TMOD1: variants seen among roughly 807,000 people sequenced by gnomAD.
TMOD1 encodes the protein tropomodulin 1.
A neutral mutation model predicts 40.6 loss-of-function variants in TMOD1; 17 were observed. That is an observed-to-expected ratio of 0.42 (90% CI 0.29 to 0.63). The LOEUF (loss-of-function observed/expected upper bound fraction) is 0.63. Ranked by LOEUF, TMOD1 falls within the 20% of genes least tolerant of loss-of-function variation. The probability of loss-of-function intolerance (pLI) is 0.22; values close to 1 mark genes in which losing one functional copy is unlikely to be tolerated. For missense variants in TMOD1, 391 were observed against 447.6 expected, an observed-to-expected ratio of 0.87 and a Z score of 1.14; for synonymous variants, 181 against 175.0, an observed-to-expected ratio of 1.03 and a Z score of -0.27.
chr9:97,593,955 A>C (rs1334967828), intron 9 of TMOD1, among the ~76,000 whole-genome samples: 1 of 152,112 alleles, frequency 6.6e-6, no homozygotes, highest in Admixed American at 6.5e-5. Flanking sequence ...AAGCAGAGGG[A>C]ACAGCATGAG....
chr9:97,555,707 T>G, intron 4 of TMOD1: 1 of 1,545,012 alleles, frequency 6.5e-7, no homozygotes, highest in Non-Finnish European at 8.8e-7. Context: ...TGTCCCAGGT[T>G]CTATGTGAGT....
intron 1 of TMOD1, among the ~76,000 whole-genome samples, chr9:97,521,039 G>C (rs1388138063): frequency 6.6e-6 from 1 of 152,184 alleles, no homozygotes; most frequent in Non-Finnish European, 1.5e-5. Flanking sequence ...TAACAAGTAT[G>C]AGACACTCCC....
At chr9:97,522,421 G>T (rs1389507399) in intron 1 of TMOD1, among the ~76,000 whole-genome samples, 1 of 152,140 alleles carries the variant, frequency 6.6e-6, no homozygotes. Flanking sequence ...TATCCAGTAA[G>T]ACCTTGACTA....
chr9:97,511,085 G>GACACAC (rs57982813), intron 1 of TMOD1, among the ~76,000 whole-genome samples: 10 of 144,318 alleles, frequency 6.9e-5, no homozygotes, highest in Admixed American at 2.7e-4. Context: ...CACACACACA[G>GACACAC]ACACACACAC....
chr9:97,529,867 C>G (rs1320634233), intron 2 of TMOD1, among the ~76,000 whole-genome samples: 1 of 152,222 alleles, frequency 6.6e-6, no homozygotes, highest in African/African-American at 2.4e-5. Context: ...ACGCTCAATA[C>G]TTCCTGGGTG....
chr9:97,564,211 A>T (rs1436811470), intron 6 of TMOD1, 43 bp downstream of exon 6: 2 of 1,550,346 alleles, frequency 1.3e-6, no homozygotes, highest in East Asian at 4.9e-5. Flanking sequence ...TGGCTGGGGG[A>T]GGGGGAACCA....
At chr9:97,531,339 G>T (rs1161507114) in intron 2 of TMOD1, among the ~76,000 whole-genome samples, 1 of 152,122 alleles carries the variant, frequency 6.6e-6, no homozygotes, top group Non-Finnish European at 1.5e-5. Context: ...GGCTGGGTGT[G>T]GTGGCTCATG....
intron 1 of TMOD1, among the ~76,000 whole-genome samples, chr9:97,520,925 C>G (rs1829905381): frequency 1.3e-5 from 2 of 152,204 alleles, no homozygotes; most frequent in Admixed American, 6.5e-5. Flanking sequence ...TTCTTTCTCC[C>G]CTGCTCCCTC....
At chr9:97,537,639 G>A (rs1830204966) in intron 2 of TMOD1, among the ~76,000 whole-genome samples, 2 of 152,094 alleles carry the variant, frequency 1.3e-5, no homozygotes, top group African/African-American at 2.4e-5. Flanking sequence ...AACATTTAAG[G>A]TGAAGCCACC....
In TMOD1 at chr9:97,513,402, G is replaced by A. The variant is rs1486875185; in HGVS notation, c.-48-10739G>A. 6.6e-6 allele frequency among the ~76,000 whole-genome samples: 1 copy of A among 152,136 alleles called. No individual in the cohort carries two copies. The highest frequency in any genetic ancestry group is 2.4e-5 in the African/African-American group (1 of 41,426). On this transcript the variant is annotated intron_variant, in intron 1 of 9. Transcript: ENST00000259365. The surrounding 1 kb of genome is among the most constrained non-coding windows in gnomAD (Gnocchi z 4.1). The stretch of plus-strand genomic sequence containing the variant: ...CCAGTCAGCTAGAGCCAGGGGTAGG[G>A]ATTTCAGCCCAGGTTTGCATGACCC...
At chr9:97,582,176 A>G (rs1825772450) in intron 8 of TMOD1, among the ~76,000 whole-genome samples, 2 of 151,550 alleles carry the variant, frequency 1.3e-5, no homozygotes, top group African/African-American at 2.4e-5. Context: ...TGATTTTTGT[A>G]GAAGGTGTAA....
intron 8 of TMOD1, among the ~76,000 whole-genome samples, chr9:97,581,038 C>T (rs919583981): frequency 2.2e-4 from 31 of 144,026 alleles, no homozygotes; most frequent in African/African-American, 4.4e-4. Flanking sequence ...TACATGTGCA[C>T]ATTGTGCAGG....
Position 97,564,108 on chromosome 9 carries a change from G to C in TMOD1, c.558G>C (p.Thr186=). The change falls in exon 6 of 10, where the codon ACG becomes ACC. Residue 186 remains threonine, a synonymous_variant. Transcript: ENST00000259365. The part of the protein sequence containing the change: ...EEPNSTDVEE[T]LERIKNNDPK... Reference sequence around the variant, plus strand: ...CAAATTCAACAGACGTAGAGGAAACGCTGGAACGGATAAAGAACAACGACC... The same window carrying C: ...CAAATTCAACAGACGTAGAGGAAACCCTGGAACGGATAAAGAACAACGACC... 6.2e-7 allele frequency: 1 copy of C among 1,614,048 alleles called. No homozygotes were observed. Among genetic ancestry groups the C allele is most frequent in the Non-Finnish European group, 8.5e-7 (1 of 1,179,960 alleles).
At chr9:97,506,078 T>A in intron 1 of TMOD1, among the ~76,000 whole-genome samples, 1 of 116,698 alleles carries the variant, frequency 8.6e-6, no homozygotes, top group South Asian at 2.5e-4. Flanking sequence ...GGCAAAAGCA[T>A]GCTGTGCCTT....
chr9:97,580,378 G>A (rs968828596), intron 8 of TMOD1, among the ~76,000 whole-genome samples: 8 of 152,152 alleles, frequency 5.3e-5, no homozygotes, highest in Non-Finnish European at 8.8e-5. Context: ...AGGCCAAGAC[G>A]GGTGGATCAC....
intron 4 of TMOD1, among the ~76,000 whole-genome samples, chr9:97,555,094 C>A (rs1278615087): frequency 6.6e-6 from 1 of 152,172 alleles, no homozygotes; most frequent in Non-Finnish European, 1.5e-5. Flanking sequence ...AGTACAGAAG[C>A]AGTGAGTGCT....
intron 8 of TMOD1, among the ~76,000 whole-genome samples, chr9:97,578,259 T>C (rs1825656201): frequency 6.6e-6 from 1 of 152,200 alleles, no homozygotes; most frequent in Non-Finnish European, 1.5e-5. Flanking sequence ...TTTACCATGT[T>C]GGCCAGGATG....
At position 97,578,352 on chromosome 9, in the gene TMOD1, C is replaced by T. The variant is rs1216030635; in HGVS notation, c.870+9315C>T. On this transcript the variant is annotated intron_variant, in intron 8 of 9. Transcript: ENST00000259365. Reference sequence around the variant, plus strand: ...ACAGGCGTGAGCCACCGTGCCCGGCCGAAGCTTCTTTGACATCTTAAGGCT... The same window carrying T: ...ACAGGCGTGAGCCACCGTGCCCGGCTGAAGCTTCTTTGACATCTTAAGGCT... Among the ~76,000 whole-genome samples the T allele has an allele frequency of 3.9e-5, 6 of 152,198 alleles. No homozygotes were observed. In the East Asian group the frequency reaches 5.8e-4, roughly 15 times the overall value.
rs377701254 is a variant in TMOD1 at position 97,601,396 on chromosome 9, T to G, written c.*1698T>G. ...GTATTCCAGGTGCTGATCTAAAAAC[T>G]GTGGCTCAAATGTCACCGAGCTTAT... On this transcript the variant is annotated 3_prime_UTR_variant, in exon 10 of 10. Transcript: ENST00000259365. 323 of 1,044,906 alleles carry G rather than the reference T, an allele frequency of 3.1e-4. 1 individual carries two copies. The African/African-American group carries it at 5.2e-3, about 17-fold the overall frequency. 64.7% of individuals were successfully genotyped at this position (1,044,906 alleles called of 1,614,324 possible).
Sources: gnomAD v4.1 joint callset for allele counts (sites outside exome capture counted in the v4.1 genomes callset) on GRCh38, gnomAD v4.1.1 for gene constraint, Gnocchi (gnomAD v3.1) non-coding constraint, MANE v1.5 for transcripts, NCBI Gene and HGNC (gene_info 2026-07-23, HGNC 2026-07-21) for gene names.